Variants in KCNIP4 observed in about 807,000 individuals in gnomAD.
KCNIP4 encodes the protein potassium voltage-gated channel interacting protein 4.
In KCNIP4, 12 loss-of-function variants were observed where a neutral mutation model predicts 34.0. That is an observed-to-expected ratio of 0.35 (90% confidence interval 0.23 to 0.57). The LOEUF (loss-of-function observed/expected upper bound fraction) is 0.57, where lower values mean the gene tolerates loss of function less well. Among genes scored for constraint, KCNIP4 ranks in the 20% least tolerant of loss-of-function variants. The pLI, the probability that KCNIP4 is intolerant of heterozygous loss-of-function variation, is 0.83. For synonymous variants in KCNIP4, 124 were observed against 102.2 expected, an observed-to-expected ratio of 1.21 and a Z score of -1.29; for missense variants, 238 against 311.7, an observed-to-expected ratio of 0.76 and a Z score of 1.78.
intron 1 of KCNIP4, among the ~76,000 whole-genome samples, chr4:21,685,249 A>T (rs1750717313): frequency 6.6e-6 from 1 of 152,220 alleles, no homozygotes; most frequent in Non-Finnish European, 1.5e-5. Context: ...ATTTATAAGT[A>T]TCTGAAACAG....
chr4:21,495,739 C>A (rs572649731), intron 1 of KCNIP4, among the ~76,000 whole-genome samples: 2 of 152,242 alleles, frequency 1.3e-5, no homozygotes, highest in Admixed American at 1.3e-4. Flanking sequence ...CTAATGCATT[C>A]TCTATTTCTT....
At chr4:21,811,965 T>C (rs1245760811) in intron 1 of KCNIP4, among the ~76,000 whole-genome samples, 1 of 152,212 alleles carries the variant, frequency 6.6e-6, no homozygotes, top group African/African-American at 2.4e-5. Flanking sequence ...TACTGTTTGA[T>C]GAGCTACACC....
At chr4:21,851,195 G>A (rs927189863) in intron 1 of KCNIP4, 2 of 152,094 alleles carry the variant, frequency 1.3e-5, no homozygotes, top group African/African-American at 4.8e-5. Flanking sequence ...GGAGAGGAGA[G>A]GGGTTAAGCT....
intron 1 of KCNIP4, among the ~76,000 whole-genome samples, chr4:21,940,496 C>T (rs1427538711): frequency 6.6e-6 from 1 of 152,268 alleles, no homozygotes; most frequent in South Asian, 2.1e-4. Flanking sequence ...ACTATCAATG[C>T]CTCATGCATA....
chr4:20,895,897 T>C (rs767013179), intron 1 of KCNIP4, among the ~76,000 whole-genome samples: 14 of 152,160 alleles, frequency 9.2e-5, no homozygotes, highest in Non-Finnish European at 1.9e-4. Context: ...TTTGGGAAAA[T>C]ATGATGCCAG....
chr4:21,733,694 G>T (rs957258071), intron 1 of KCNIP4, among the ~76,000 whole-genome samples: 3 of 152,122 alleles, frequency 2.0e-5, no homozygotes, highest in Non-Finnish European at 2.9e-5. Context: ...ATGAATATCC[G>T]TATGTTGCTA....
intron 1 of KCNIP4, among the ~76,000 whole-genome samples, chr4:21,276,319 G>A (rs1047462452): frequency 1.3e-5 from 2 of 149,888 alleles, no homozygotes; most frequent in African/African-American, 4.9e-5. Flanking sequence ...CACCCTGTTT[G>A]TGGTAGTTTG....
intron 1 of KCNIP4, among the ~76,000 whole-genome samples, chr4:21,861,139 C>T (rs1383671767): frequency 2.6e-5 from 4 of 152,184 alleles, no homozygotes; most frequent in African/African-American, 4.8e-5. Flanking sequence ...TCAATAATTT[C>T]ACATGCTCAT....
intron 1 of KCNIP4, among the ~76,000 whole-genome samples, chr4:21,138,742 G>C (rs139679928): frequency 6.6e-6 from 1 of 152,190 alleles, no homozygotes; most frequent in East Asian, 1.9e-4. Flanking sequence ...CCTAAAGGTT[G>C]TAAACTGAAA....
intron 1 of KCNIP4, among the ~76,000 whole-genome samples, chr4:21,006,603 T>C (rs1738576385): frequency 6.6e-6 from 1 of 152,202 alleles, no homozygotes; most frequent in Non-Finnish European, 1.5e-5. Flanking sequence ...AATGGAGATG[T>C]GTTCAAGATT....
At chr4:21,249,788 A>C (rs1052964977) in intron 1 of KCNIP4, among the ~76,000 whole-genome samples, 6 of 152,162 alleles carry the variant, frequency 3.9e-5, no homozygotes, top group Non-Finnish European at 1.5e-5. Context: ...AAAGGTAACA[A>C]TGTTTTGGCG....
chr4:21,790,963 A>G (rs1720238273), intron 1 of KCNIP4, among the ~76,000 whole-genome samples: 1 of 93,244 alleles, frequency 1.1e-5, no homozygotes, highest in Non-Finnish European at 2.1e-5. Flanking sequence ...TTGCCTGCGC[A>G]CTCCACAAAA....
intron 1 of KCNIP4, among the ~76,000 whole-genome samples, chr4:21,840,451 G>A (rs1401899434): frequency 3.3e-5 from 5 of 152,058 alleles, no homozygotes; most frequent in Non-Finnish European, 1.5e-5. Context: ...TTGAGGAAGA[G>A]GCAATGTTGA....
At chr4:21,336,105 T>A (rs1248384407) in intron 1 of KCNIP4, among the ~76,000 whole-genome samples, 1 of 152,164 alleles carries the variant, frequency 6.6e-6, no homozygotes, top group Non-Finnish European at 1.5e-5. Context: ...CTATATGTAT[T>A]ATTTATCAGT....
chr4:20,762,448 A>G (rs1042522638), intron 3 of KCNIP4, among the ~76,000 whole-genome samples: 4 of 152,214 alleles, frequency 2.6e-5, no homozygotes, highest in African/African-American at 9.6e-5. Context: ...ATTTATTCCC[A>G]GAGATTTTTT....
chr4:21,310,111 C>A (rs1030825109), intron 1 of KCNIP4, among the ~76,000 whole-genome samples: 1 of 152,148 alleles, frequency 6.6e-6, no homozygotes, highest in Non-Finnish European at 1.5e-5. Context: ...CTCATTGCAA[C>A]TTCCACCGCC....
chr4:21,022,389 A>G (rs527317272), intron 1 of KCNIP4, among the ~76,000 whole-genome samples: 1 of 152,236 alleles, frequency 6.6e-6, no homozygotes, highest in Non-Finnish European at 1.5e-5. Flanking sequence ...ACCTTTAAGC[A>G]CAATCCAAAC....
intron 1 of KCNIP4, among the ~76,000 whole-genome samples, chr4:21,065,766 A>AT (rs1491138349): frequency 0.022 from 2,634 of 121,978 alleles, 70 homozygotes; most frequent in Non-Finnish European, 0.029. Flanking sequence ...ATATATATAT[A>AT]ACTCAATTTT....
intron 2 of KCNIP4, among the ~76,000 whole-genome samples, chr4:20,858,986 T>G (rs1023996322): frequency 4.6e-5 from 7 of 152,182 alleles, no homozygotes; most frequent in Non-Finnish European, 1.0e-4. Context: ...TATGCTACTT[T>G]AAGAGATGGC....
Sources: gnomAD v4.1 joint callset for allele counts (sites outside exome capture counted in the v4.1 genomes callset) on GRCh38, gnomAD v4.1.1 for gene constraint, MANE v1.5 for transcripts, NCBI Gene and HGNC (gene_info 2026-07-23, HGNC 2026-07-21) for gene names.